Variants in NXPE4 observed in about 807,000 individuals in gnomAD.
The protein encoded by NXPE4 is neurexophilin and PC-esterase domain family member 4.
NXPE4 carries 42 observed loss-of-function variants against 33.3 expected under a neutral mutation model. The ratio of observed to expected loss-of-function variants is 1.26; its 90% CI spans 0.98 to 1.63. The LOEUF is 1.63. NXPE4 is among the 40% of genes most tolerant of loss of function. NXPE4 has a pLI of 0.00. For synonymous variants in NXPE4, 253 were observed against 234.9 expected, an observed-to-expected ratio of 1.08 and a Z score of -0.71; for missense variants, 709 against 647.6, an observed-to-expected ratio of 1.09 and a Z score of -1.03.
chr11:114,574,049 C>A (rs544976028), intron 5 of NXPE4, among the ~76,000 whole-genome samples: 2 of 152,068 alleles, frequency 1.3e-5, no homozygotes, highest in African/African-American at 4.8e-5. Context: ...GAAATCAGCT[C>A]CAAAAGGAAC....
chr11:114,573,226 T>G (rs986046717), intron 5 of NXPE4, among the ~76,000 whole-genome samples: 2 of 152,106 alleles, frequency 1.3e-5, no homozygotes, highest in Non-Finnish European at 2.9e-5. Context: ...TGAAGCAAGT[T>G]ATCAAAGCAC....
intron 2 of NXPE4, among the ~76,000 whole-genome samples, chr11:114,590,738 G>A (rs1451818594): frequency 6.6e-6 from 1 of 152,210 alleles, no homozygotes. Context: ...GCAGGTAAAG[G>A]ATGGCCAGCA....
intron 2 of NXPE4, chr11:114,583,795 T>C (rs1414233633): frequency 5.0e-5 from 22 of 441,958 alleles, no homozygotes; most frequent in Non-Finnish European, 9.3e-5. Flanking sequence ...ACCATGATGA[T>C]GGCATGGAAG....
the NXPE4 span, among the ~76,000 whole-genome samples, chr11:114,618,541 G>A: frequency 3.3e-5 from 5 of 151,908 alleles, no homozygotes; most frequent in Admixed American, 3.3e-4. Flanking sequence ...TTGCCTCTAG[G>A]GTGATCACTG....
At chr11:114,614,976 G>T in the NXPE4 span, among the ~76,000 whole-genome samples, 5 of 149,970 alleles carry the variant, frequency 3.3e-5, no homozygotes, top group East Asian at 8.1e-4. Flanking sequence ...GTATTGCCTC[G>T]TGAGTAACCA....
At chr11:114,648,072 G>C in the NXPE4 span, among the ~76,000 whole-genome samples, 1 of 152,242 alleles carries the variant, frequency 6.6e-6, no homozygotes, top group Non-Finnish European at 1.5e-5. Flanking sequence ...CATATATTGA[G>C]TCTTTGCCCT....
At chr11:114,611,258 A>T in the NXPE4 span, among the ~76,000 whole-genome samples, 1 of 148,072 alleles carries the variant, frequency 6.8e-6, no homozygotes, top group Non-Finnish European at 1.5e-5. Context: ...TATTGCTTCT[A>T]GGGTAACCAC....
At chr11:114,643,366 C>T in the NXPE4 span, among the ~76,000 whole-genome samples, 2 of 152,058 alleles carry the variant, frequency 1.3e-5, no homozygotes, top group Non-Finnish European at 2.9e-5. Context: ...CCTAGGTTTT[C>T]TTCTAGTGTT....
Position 114,570,907 on chromosome 11 carries a change from TAAGTG to T in NXPE4, c.*26_*30del, listed in dbSNP as rs769980187. 2.4e-4 allele frequency: 358 copies of T among 1,486,796 alleles called. No individual in the cohort carries two copies. Among genetic ancestry groups the T allele is most frequent in the Non-Finnish European group, 3.1e-4 (339 of 1,102,256 alleles). The allele number at this position is 1,486,796 out of a possible 1,614,324, so 92.1% of individuals were successfully genotyped here. A position where few individuals can be genotyped will look rare whatever the true frequency, so the allele number is the denominator to read the frequency against. On this transcript the variant is annotated 3_prime_UTR_variant, in exon 6 of 6. Transcript: ENST00000375478. ...TAGACAGTCAATAAATTTTTTTACT[TAAGTG>T]AATGAATTTCAGACTTTTGTGTTAT...
At chr11:114,602,580 CAT>C in the NXPE4 span, among the ~76,000 whole-genome samples, 3 of 139,134 alleles carry the variant, frequency 2.2e-5, no homozygotes, top group African/African-American at 7.7e-5. Context: ...ATAATTATCT[CAT>C]ATATAAATTA....
chr11:114,667,426 A>G, the NXPE4 span, among the ~76,000 whole-genome samples: 2 of 152,164 alleles, frequency 1.3e-5, no homozygotes, highest in Admixed American at 1.3e-4. Context: ...TTAATTAAAC[A>G]CGCAACACCA....
the NXPE4 span, among the ~76,000 whole-genome samples, chr11:114,647,602 T>G: frequency 1.3e-5 from 2 of 152,186 alleles, no homozygotes; most frequent in African/African-American, 4.8e-5. Context: ...ATAAATTTCT[T>G]AATATTCTCT....
At chr11:114,637,765 T>A in the NXPE4 span, among the ~76,000 whole-genome samples, 4 of 151,836 alleles carry the variant, frequency 2.6e-5, no homozygotes, top group Non-Finnish European at 5.9e-5. Flanking sequence ...TGAAAATTCT[T>A]CTCTTTAAGA....
Position 114,582,356 on chromosome 11 carries a change from G to T in NXPE4, c.762C>A (p.Leu254=). 6.2e-7 allele frequency: 1 copy of T among 1,612,904 alleles called. No homozygotes were observed. Among genetic ancestry groups the T allele is most frequent in the Non-Finnish European group, 8.5e-7 (1 of 1,179,170 alleles). Residue 254 remains leucine, a synonymous_variant, in exon 3 of 6, where the codon CTC becomes CTA. Transcript: ENST00000375478. ...VRPQHMPCAA[L]THMYSKNKKV... ...TCTTGTTCTTAGAATACATGTGAGT[G>T]AGTGCAGCACAGGGCATGTGTTGAG... is the stretch of plus-strand genomic sequence containing the variant.
At chr11:114,626,811 C>G in the NXPE4 span, among the ~76,000 whole-genome samples, 5 of 152,122 alleles carry the variant, frequency 3.3e-5, no homozygotes, top group Admixed American at 1.3e-4. Context: ...AACCAATACA[C>G]AGAAGTGCTT....
At chr11:114,602,229 A>G in the NXPE4 span, among the ~76,000 whole-genome samples, 4 of 86,032 alleles carry the variant, frequency 4.6e-5, no homozygotes, top group African/African-American at 1.6e-4. Flanking sequence ...GTTATAGATT[A>G]TATATTATAC....
At chr11:114,664,368 A>C in the NXPE4 span, among the ~76,000 whole-genome samples, 16 of 152,192 alleles carry the variant, frequency 1.1e-4, no homozygotes, top group Admixed American at 9.8e-4. Context: ...AAGGTGTATA[A>C]GTAAAGTTTT....
At chr11:114,613,406 G>A in the NXPE4 span, among the ~76,000 whole-genome samples, 5 of 147,400 alleles carry the variant, frequency 3.4e-5, no homozygotes, top group African/African-American at 1.3e-4. Flanking sequence ...GGGTGGGTAA[G>A]CACTGTTACC....
In NXPE4 at chr11:114,582,982, A is replaced by T; in HGVS notation, c.136T>A (p.Trp46Arg). 6.2e-7 allele frequency: 1 copy of T among 1,613,822 alleles called. No homozygotes were observed. Among genetic ancestry groups the T allele is most frequent in the Non-Finnish European group, 8.5e-7 (1 of 1,179,960 alleles). The change falls in exon 3 of 6, where the codon TGG (tryptophan) becomes AGG (arginine). Residue 46 changes from tryptophan (W) to arginine (R), a missense_variant. Transcript: ENST00000375478. ...ALNLSISLHY[W>R]NNSTKSLFPK... ...AATAAGGACTTTGTGGAGTTGTTCC[A>T]GTAATGGAGGGAGATGGATAAGTTT...
Sources: gnomAD v4.1 joint callset for allele counts (sites outside exome capture counted in the v4.1 genomes callset) on GRCh38, gnomAD v4.1.1 for gene constraint, MANE v1.5 for transcripts, NCBI Gene and HGNC (gene_info 2026-07-23, HGNC 2026-07-21) for gene names.